Variants in SLC3A1 observed in about 807,000 individuals in gnomAD.
SLC3A1 encodes solute carrier family 3 member 1, also known as amino acid transporter heavy chain SLC3A1.
Under a neutral mutation model 60.3 loss-of-function variants are expected in SLC3A1, and 78 were observed. That is an observed-to-expected ratio of 1.29 (90% CI 1.08 to 1.56). SLC3A1 has a LOEUF of 1.56. Among genes scored for constraint, SLC3A1 ranks in the 40% most tolerant of loss-of-function variants. SLC3A1 has a pLI of 0.00. For synonymous variants in SLC3A1, 392 were observed against 307.9 expected (o/e 1.27, Z -2.86); for missense variants, 1,172 against 858.9 (o/e 1.36, Z -4.56).
rs1672355124 is a variant in SLC3A1 at position 44,313,758 on chromosome 2, A to C, written c.1501-77A>C. 4 of 1,115,992 alleles carry C rather than the reference A, an allele frequency of 3.6e-6. No individual in the cohort carries two copies. In the African/African-American group the frequency reaches 4.6e-5, roughly 13 times the overall value. The allele number at this position is 1,115,992 out of a possible 1,614,324, so 69.1% of individuals were successfully genotyped here. A position where few individuals can be genotyped will look rare whatever the true frequency, so the allele number is the denominator to read the frequency against. On this transcript the variant is annotated intron_variant, in intron 8 of 9. Coordinates refer to ENST00000260649, the MANE Select transcript of SLC3A1 (RefSeq NM_000341.4). Reference sequence around the variant, plus strand: ...AAGAACTATGGGGAATTAAATAATTATGAAGTAAATCAGGACCAAAGCACA... The same window carrying C: ...AAGAACTATGGGGAATTAAATAATTCTGAAGTAAATCAGGACCAAAGCACA...
intron 4 of SLC3A1, among the ~76,000 whole-genome samples, 162 bp downstream of exon 4, chr2:44,286,319 T>A (rs897581713): frequency 1.3e-5 from 2 of 152,244 alleles, no homozygotes; most frequent in East Asian, 3.8e-4. Context: ...AATAATTGTG[T>A]AGGCAATAAT....
intron 4 of SLC3A1, among the ~76,000 whole-genome samples, chr2:44,294,144 C>G (rs1281215723): frequency 6.6e-6 from 1 of 152,036 alleles, no homozygotes; most frequent in East Asian, 1.9e-4. Context: ...GCTAAGGTAT[C>G]TGAGTGTTTC....
At chr2:44,318,875 T>A (rs1380689005) in intron 9 of SLC3A1, 1 of 152,170 alleles carries the variant, frequency 6.6e-6, no homozygotes, top group African/African-American at 2.4e-5. Flanking sequence ...AAATCATGAC[T>A]ACGCATCTAA....
intron 6 of SLC3A1, 61 bp from the exon 7 acceptor site, chr2:44,304,082 G>A (rs1558464309): frequency 1.6e-6 from 2 of 1,274,524 alleles, no homozygotes; most frequent in Non-Finnish European, 2.3e-6. Context: ...AAGCAGCTGT[G>A]GAGTGCCTTC....
chr2:44,319,562 T>C (rs559558139), intron 9 of SLC3A1: 1 of 152,594 alleles, frequency 6.6e-6, no homozygotes, highest in Admixed American at 6.5e-5. Flanking sequence ...CATCATCAAA[T>C]TATGTTTTAT....
At chr2:44,311,147 T>C (rs1178743974) in intron 7 of SLC3A1, among the ~76,000 whole-genome samples, 1 of 152,186 alleles carries the variant, frequency 6.6e-6, no homozygotes, top group Admixed American at 6.5e-5. Context: ...AATTGAGTCT[T>C]CAAGTTTTCT....
intron 5 of SLC3A1, 131 bp downstream of exon 5, chr2:44,300,221 T>G: frequency 4.3e-6 from 4 of 925,272 alleles, no homozygotes; most frequent in Non-Finnish European, 6.7e-6. Context: ...CCTGATTTAT[T>G]TCTTTAGGAA....
At chr2:44,305,426 ACT>A (rs1491273219) in intron 7 of SLC3A1, among the ~76,000 whole-genome samples, 4 of 106,440 alleles carry the variant, frequency 3.8e-5, no homozygotes, top group African/African-American at 7.7e-5. Flanking sequence ...TTCTTTTCTT[ACT>A]TTTTTTTTTT....
At chr2:44,292,024 A>G (rs907407710) in intron 4 of SLC3A1, among the ~76,000 whole-genome samples, 1 of 152,150 alleles carries the variant, frequency 6.6e-6, no homozygotes, top group African/African-American at 2.4e-5. Flanking sequence ...TACTTTCCCA[A>G]TCACTTTGGT....
intron 1 of SLC3A1, among the ~76,000 whole-genome samples, chr2:44,276,908 T>C (rs578241652): frequency 2.6e-5 from 4 of 151,996 alleles, no homozygotes; most frequent in Admixed American, 2.0e-4. Context: ...AGGAAACAAA[T>C]AAGGAAACTA....
chr2:44,281,604 T>C, intron 3 of SLC3A1, 63 bp downstream of exon 3: 1 of 1,497,592 alleles, frequency 6.7e-7, no homozygotes, highest in Admixed American at 1.7e-5. Flanking sequence ...ATTGAACTGA[T>C]TTAGTAAAAC....
At chr2:44,311,819 T>G (rs1023085992) in intron 7 of SLC3A1, among the ~76,000 whole-genome samples, 1 of 152,156 alleles carries the variant, frequency 6.6e-6, no homozygotes, top group East Asian at 1.9e-4. Context: ...CTTAGACTAC[T>G]ACTTGAATAA....
Position 44,301,038 on chromosome 2 carries a change from C to G in SLC3A1, c.1047C>G (p.Asp349Glu). ...TVTQYSELYH[D>E]FTTTQVGMHD... ...CACAATACTCGGAGCTGTACCATGA[C>G]TTCACCACCACGCAGGTGGGAATGC... The change falls in exon 6 of 10, where the codon GAC (aspartate) becomes GAG (glutamate). Residue 349 changes from aspartate to glutamate, a missense_variant. Transcript: ENST00000260649. 5 of 1,614,202 alleles carry G rather than the reference C, an allele frequency of 3.1e-6. No individual in the cohort carries two copies.
intron 4 of SLC3A1, among the ~76,000 whole-genome samples, chr2:44,298,072 C>A (rs1028077256): frequency 7.2e-5 from 11 of 152,148 alleles, no homozygotes; most frequent in South Asian, 2.1e-4. Flanking sequence ...CATAAGTTTT[C>A]ATTTCTCTCG....
intron 7 of SLC3A1, among the ~76,000 whole-genome samples, 163 bp downstream of exon 7, chr2:44,304,501 T>C (rs1217345183): frequency 2.0e-5 from 3 of 152,200 alleles, no homozygotes; most frequent in Non-Finnish European, 2.9e-5. Context: ...CAGGTTCTTT[T>C]CATTAAGGGA....
intron 9 of SLC3A1, among the ~76,000 whole-genome samples, chr2:44,315,402 A>C (rs1672402983): frequency 6.6e-6 from 1 of 151,688 alleles, no homozygotes; most frequent in Non-Finnish European, 1.5e-5. Context: ...TAATCCCAGC[A>C]TTTTGGGAGG....
intron 4 of SLC3A1, among the ~76,000 whole-genome samples, chr2:44,292,941 G>A (rs1671771106): frequency 6.6e-6 from 1 of 152,052 alleles, no homozygotes; most frequent in East Asian, 1.9e-4. Flanking sequence ...AGGGGTTTGA[G>A]TAGGGCAGGT....
intron 6 of SLC3A1, among the ~76,000 whole-genome samples, chr2:44,301,755 AAG>A (rs1181565413): frequency 2.0e-5 from 3 of 150,374 alleles, no homozygotes; most frequent in African/African-American, 7.3e-5. Flanking sequence ...AAAAAAAAAA[AAG>A]AACCAAAAAA....
intron 9 of SLC3A1, chr2:44,319,454 G>A (rs534957491): frequency 6.6e-6 from 1 of 152,374 alleles, no homozygotes; most frequent in Non-Finnish European, 1.5e-5. Context: ...GCATGGCTGA[G>A]TATGGTACAA....
Sources: allele counts gnomAD v4.1 joint callset (sites outside exome capture counted in the v4.1 genomes callset), GRCh38; gene constraint gnomAD v4.1.1; transcripts MANE v1.5; gene names NCBI Gene and HGNC (gene_info 2026-07-23, HGNC 2026-07-21).